Variants in N4BP2L2 observed in about 807,000 individuals in gnomAD.
N4BP2L2 encodes NEDD4-binding protein 2-like 2.
In N4BP2L2, 50 loss-of-function variants were observed where a neutral mutation model predicts 56.2. The ratio of observed to expected loss-of-function variants is 0.89; its 90% CI spans 0.71 to 1.13. The LOEUF (loss-of-function observed/expected upper bound fraction) is 1.13, where lower values mean the gene tolerates loss of function less well. Among genes scored for constraint, N4BP2L2 ranks in the 50% most tolerant of loss-of-function variants. N4BP2L2 has a pLI of 0.00. For synonymous variants in N4BP2L2, 203 were observed against 223.6 expected, an observed-to-expected ratio of 0.91 and a Z score of 0.82; for missense variants, 689 against 693.8, an observed-to-expected ratio of 0.99 and a Z score of 0.08.
intron 6 of N4BP2L2, among the ~76,000 whole-genome samples, chr13:32,493,708 G>T (rs542375181): frequency 1.3e-5 from 2 of 152,188 alleles, no homozygotes; most frequent in Non-Finnish European, 2.9e-5. Context: ...TAATGTATAA[G>T]AAGGAAATAA....
chr13:32,446,085 T>C (rs2077010061), intron 6 of N4BP2L2, among the ~76,000 whole-genome samples: 1 of 152,202 alleles, frequency 6.6e-6, no homozygotes, highest in Non-Finnish European at 1.5e-5. Flanking sequence ...GTTGATTGGC[T>C]GGGCATTGGA....
At chr13:32,432,916 C>CT (rs1432284223) in exon 10 of N4BP2L2, 1 of 152,256 alleles carries the variant, frequency 6.6e-6, no homozygotes, top group African/African-American at 2.4e-5. Context: ...ACTGAGCACT[C>CT]TGACTTTTCT....
At chr13:32,528,471 T>G (rs1414189939) in intron 2 of N4BP2L2, among the ~76,000 whole-genome samples, 1 of 152,184 alleles carries the variant, frequency 6.6e-6, no homozygotes, top group South Asian at 2.1e-4. Flanking sequence ...ATAATCAAGC[T>G]TTGTTTTGAA....
intron 7 of N4BP2L2, among the ~76,000 whole-genome samples, chr13:32,441,916 T>C (rs1350837341): frequency 6.7e-6 from 1 of 149,200 alleles, no homozygotes; most frequent in Non-Finnish European, 1.5e-5. Context: ...AATAAATAAA[T>C]AAATAAATAA....
At chr13:32,463,114 G>A (rs2080498966) in intron 6 of N4BP2L2, among the ~76,000 whole-genome samples, 1 of 151,844 alleles carries the variant, frequency 6.6e-6, no homozygotes, top group Non-Finnish European at 1.5e-5. Flanking sequence ...AAAAGAGATG[G>A]AAGTACAAAA....
chr13:32,493,076 C>T (rs748785528), intron 6 of N4BP2L2, among the ~76,000 whole-genome samples: 7 of 151,922 alleles, frequency 4.6e-5, no homozygotes, highest in Non-Finnish European at 1.0e-4. Context: ...GTGCCTGCCA[C>T]CACACCCAGC....
intron 6 of N4BP2L2, among the ~76,000 whole-genome samples, chr13:32,452,958 G>GA (rs1260752094): frequency 2.0e-5 from 3 of 152,080 alleles, no homozygotes; most frequent in Non-Finnish European, 2.9e-5. Context: ...TGTAAAGGAA[G>GA]AAAAAAATTG....
At chr13:32,457,437 A>C (rs2079156787) in intron 6 of N4BP2L2, among the ~76,000 whole-genome samples, 1 of 152,208 alleles carries the variant, frequency 6.6e-6, no homozygotes, top group Non-Finnish European at 1.5e-5. Flanking sequence ...ATTATAGCCA[A>C]ACTGTCAAAA....
chr13:32,530,106 T>G (rs2054278381), intron 2 of N4BP2L2, among the ~76,000 whole-genome samples: 1 of 152,116 alleles, frequency 6.6e-6, no homozygotes, highest in African/African-American at 2.4e-5. Flanking sequence ...TTAAATTTTC[T>G]CAAAATAAAA....
chr13:32,531,034 A>G (rs2054629485), intron 2 of N4BP2L2, among the ~76,000 whole-genome samples: 1 of 152,210 alleles, frequency 6.6e-6, no homozygotes, highest in East Asian at 1.9e-4. Context: ...CTAGCCAGCA[A>G]GGAACTGAAG....
rs140627599 is a variant in N4BP2L2 at position 32,519,346 on chromosome 13, T to C, written c.1551-1343A>G. Among the ~76,000 whole-genome samples, 274 of 149,108 alleles carry C rather than the reference T, an allele frequency of 1.8e-3. 6 individuals carry two copies. In the East Asian group the frequency reaches 0.046, roughly 25 times the overall value. On this transcript the variant is annotated intron_variant, in intron 5 of 5. Transcript: ENST00000267068. ...ATCGCTTGAGTCCAGGAGGAAGAGG[T>C]TGCAGTGAGCCAAGATCGTCACTGC...
intron 2 of N4BP2L2, among the ~76,000 whole-genome samples, chr13:32,533,917 C>A (rs563038433): frequency 1.3e-4 from 20 of 152,160 alleles, no homozygotes; most frequent in African/African-American, 4.8e-4. Flanking sequence ...AACGTGTTGA[C>A]CTAAAGAGGT....
intron 6 of N4BP2L2, among the ~76,000 whole-genome samples, chr13:32,457,156 C>T (rs1393741644): frequency 6.6e-6 from 1 of 151,990 alleles, no homozygotes; most frequent in Non-Finnish European, 1.5e-5. Flanking sequence ...ACAACAACAA[C>T]AAATCAAACC....
At chr13:32,484,057 C>T (rs2085348198) in intron 6 of N4BP2L2, among the ~76,000 whole-genome samples, 1 of 150,902 alleles carries the variant, frequency 6.6e-6, no homozygotes, top group Admixed American at 6.6e-5. Context: ...CTTACATAAT[C>T]CAAGCACTTC....
chr13:32,474,601 G>A (rs905452042), intron 6 of N4BP2L2, among the ~76,000 whole-genome samples: 1 of 152,144 alleles, frequency 6.6e-6, no homozygotes, highest in Non-Finnish European at 1.5e-5. Context: ...GGCTGAGGCA[G>A]GAGAATCACT....
exon 2 of N4BP2L2, chr13:32,536,267 G>C: frequency 6.2e-7 from 1 of 1,613,558 alleles, no homozygotes; most frequent in Non-Finnish European, 8.5e-7. Flanking sequence ...ACAAAATGTA[G>C]GTATTACTTG....
intron 6 of N4BP2L2, chr13:32,446,626 G>C (rs1200704199): frequency 1.1e-6 from 1 of 927,052 alleles, no homozygotes; most frequent in African/African-American, 1.7e-5. Context: ...TATAGTCACT[G>C]TCCCTCAGAA....
chr13:32,434,247 TC>T (rs1200234740), intron 9 of N4BP2L2, among the ~76,000 whole-genome samples: 1 of 124,580 alleles, frequency 8.0e-6, no homozygotes. Flanking sequence ...CAGCTAATTT[TC>T]TTTTTTTCTT....
chr13:32,526,490 A>C (rs1471956755), intron 3 of N4BP2L2, among the ~76,000 whole-genome samples: 11 of 152,296 alleles, frequency 7.2e-5, no homozygotes, highest in Non-Finnish European at 1.5e-4. Context: ...TAAAAAGAGA[A>C]AGGGGTACAA....
Sources: gnomAD v4.1 joint callset for allele counts (sites outside exome capture counted in the v4.1 genomes callset) on GRCh38, gnomAD v4.1.1 for gene constraint, MANE v1.5 for transcripts, NCBI Gene and HGNC (gene_info 2026-07-23, HGNC 2026-07-21) for gene names.